The following OSMR variants were observed in gnomAD, a reference collection of about 807,000 sequenced individuals.
OSMR encodes oncostatin M receptor.
In OSMR, 81 loss-of-function variants were observed where a neutral mutation model predicts 99.9. The ratio of observed to expected loss-of-function variants is 0.81; its 90% CI spans 0.68 to 0.97. The LOEUF (loss-of-function observed/expected upper bound fraction) is 0.97. Among genes scored for constraint, OSMR ranks in the 50% least tolerant of loss-of-function variants. The pLI is 0.00. For missense variants in OSMR, 1,099 were observed against 1,153.4 expected, an observed-to-expected ratio of 0.95 and a Z score of 0.68; for synonymous variants, 406 against 410.4, an observed-to-expected ratio of 0.99 and a Z score of 0.13.
intron 9 of OSMR, among the ~76,000 whole-genome samples, chr5:38,915,715 G>A (rs947742257): frequency 1.2e-4 from 19 of 152,292 alleles, no homozygotes; most frequent in Non-Finnish European, 2.4e-4. Context: ...AAGAATTAAA[G>A]GGAAGTTTCA....
downstream of OSMR, chr5:38,945,201 A>C (rs1748057309): frequency 2.8e-6 from 2 of 706,620 alleles, no homozygotes; most frequent in Non-Finnish European, 4.6e-6. Flanking sequence ...ACACTTCCAA[A>C]ACTTTTTTCC....
At chr5:38,923,446 GTC>G (rs906723884) in intron 13 of OSMR, among the ~76,000 whole-genome samples, 192 bp downstream of exon 13, 5 of 152,212 alleles carry the variant, frequency 3.3e-5, no homozygotes, top group South Asian at 2.1e-4. Flanking sequence ...TCATTGCTAA[GTC>G]TCTCTCTTTC....
rs542916552 is a variant in OSMR at position 38,924,436 on chromosome 5, C to T, written c.1885C>T (p.Pro629Ser). Residue 629 changes from proline to serine, a missense_variant, in exon 14 of 18, where the codon CCT (proline) becomes TCT (serine). Pro to Ser is a moderately conservative substitution (Grantham distance 74). Transcript: ENST00000274276. ...YSQELAPSDN[P>S]HVLVDTLTSH... ...TCTTTTCCTAGCTCCTTCAGACAAC[C>T]CTCACGTGCTGGTGGATACATTGAC... 2.5e-6 allele frequency: 4 copies of T among 1,614,042 alleles called. No individual in the cohort carries two copies. Among genetic ancestry groups the T allele is most frequent in the African/African-American group, 2.7e-5 (2 of 74,996 alleles).
rs1407264609 is a variant in OSMR at position 38,846,101 on chromosome 5, G to C, written c.-300G>C. 1.3e-5 allele frequency: 2 copies of C among 152,190 alleles called. No individual in the cohort carries two copies. The highest frequency in any genetic ancestry group is 2.4e-5 in the African/African-American group (1 of 41,386). The allele number at this position is 152,190 out of a possible 1,614,324, so 9.4% of individuals were successfully genotyped here. ...CCACGCGCCGCCGAGGACTCGGCCC[G>C]GCTCGTGGAGCCCTTCGCCCGCGGC... On this transcript the variant is annotated 5_prime_UTR_variant, in exon 1 of 18. Coordinates refer to ENST00000274276, the MANE Select transcript of OSMR (RefSeq NM_003999.3).
In OSMR at chr5:38,898,950, C is replaced by CTTT. The variant is rs58159819; in HGVS notation, c.992-4910_992-4908dup. On this transcript the variant is annotated intron_variant, in intron 7 of 17. Transcript: ENST00000274276. The stretch of plus-strand genomic sequence containing the variant: ...TTTGTTGTTTCTATTTACATAATAT[C>CTTT]TTTTTTTTTTTTTTTTTTTTTTTTG... Among the ~76,000 whole-genome samples, 166 of 78,286 alleles carry CTTT rather than the reference C, an allele frequency of 2.1e-3. 7 individuals are homozygous for CTTT. The highest frequency in any genetic ancestry group is 2.5e-3 in the African/African-American group (40 of 15,978). The allele number at this position is 78,286 out of a possible 152,430, so 51.4% of individuals were successfully genotyped here.
At chr5:38,892,508 C>T (rs1744225478) in intron 7 of OSMR, among the ~76,000 whole-genome samples, 2 of 152,160 alleles carry the variant, frequency 1.3e-5, no homozygotes, top group Admixed American at 6.5e-5. Flanking sequence ...ACTGCAACCA[C>T]TTCCCCTGAA....
downstream of OSMR, chr5:38,940,231 T>A (rs1379283074): frequency 4.4e-6 from 1 of 229,120 alleles, no homozygotes; most frequent in African/African-American, 2.2e-5. Flanking sequence ...GGGATAGTGA[T>A]GGTGGGGGAG....
chr5:38,924,247 C>T (rs1746367022), intron 13 of OSMR, 175 bp from the exon 14 acceptor site: 1 of 919,118 alleles, frequency 1.1e-6, no homozygotes, highest in Admixed American at 6.2e-5. Flanking sequence ...TCCTTCACAG[C>T]TCTCATAAAC....
chr5:38,943,130 G>A, intron 1 of OSMR: 1 of 499,188 alleles, frequency 2.0e-6, no homozygotes, highest in African/African-American at 2.0e-5. Flanking sequence ...AAATATTCCT[G>A]TCACACACTT....
intron 10 of OSMR, among the ~76,000 whole-genome samples, chr5:38,917,992 T>C (rs1388205888): frequency 2.6e-5 from 4 of 152,194 alleles, no homozygotes; most frequent in Non-Finnish European, 4.4e-5. Flanking sequence ...AAAATTGTAA[T>C]ATAAAATAAA....
intron 7 of OSMR, 179 bp downstream of exon 7, chr5:38,886,369 T>C (rs574483105): frequency 7.0e-7 from 1 of 1,419,420 alleles, no homozygotes; most frequent in African/African-American, 1.4e-5. Flanking sequence ...CCCCTATTAT[T>C]TGTTTCTTTT....
chr5:38,883,578 G>C (rs1743468731), intron 4 of OSMR: 2 of 373,046 alleles, frequency 5.4e-6, no homozygotes, highest in Non-Finnish European at 7.4e-6. Context: ...TATCAGAGTG[G>C]TAATAGTAAT....
At chr5:38,942,432 C>CATGATATAAATTAG in intron 1 of OSMR, 2 of 927,832 alleles carry the variant, frequency 2.2e-6, no homozygotes, top group Non-Finnish European at 3.2e-6. Context: ...GATGATATAA[C>CATGATATAAATTAG]ATATTTATAT....
At chr5:38,864,542 T>TG (rs57600142) in intron 1 of OSMR, among the ~76,000 whole-genome samples, 2,726 of 151,404 alleles carry the variant, frequency 0.018, 87 homozygotes, top group African/African-American at 0.063. Context: ...TGCCTGAAGT[T>TG]TTTTTTTTTT....
At chr5:38,890,924 C>T (rs1188018742) in intron 7 of OSMR, among the ~76,000 whole-genome samples, 3 of 152,124 alleles carry the variant, frequency 2.0e-5, no homozygotes, top group South Asian at 2.1e-4. Context: ...GAATACTTGG[C>T]ATGCCCGAAT....
downstream of OSMR, chr5:38,940,517 A>G (rs563538416): frequency 5.3e-4 from 124 of 232,866 alleles, no homozygotes; most frequent in East Asian, 6.6e-3. Flanking sequence ...TACTGTTGAC[A>G]TTTAAATAAA....
intron 2 of OSMR, chr5:38,944,701 G>T: frequency 1.1e-6 from 1 of 917,644 alleles, no homozygotes; most frequent in Non-Finnish European, 1.6e-6. Context: ...ATCATTTTGG[G>T]AGCAAAACTC....
chr5:38,913,837 G>A lies in OSMR; in HGVS notation c.1286-3709G>A, dbSNP rs966842058. Among the ~76,000 whole-genome samples the A allele has an allele frequency of 2.6e-5, 4 of 152,180 alleles. No individual in the cohort carries two copies. The South Asian group carries it at 8.3e-4, about 31-fold the overall frequency. On this transcript the variant is annotated intron_variant, in intron 9 of 17. Coordinates refer to ENST00000274276, the MANE Select transcript of OSMR (RefSeq NM_003999.3). ...TAAAAGCCAATGTTCTTACAAGAAC[G>A]TTTTTGCACAGAAGGAGGTGTTACA...
rs769803562 is a variant in OSMR, at chr5:38,924,587, T to A, written c.2036T>A (p.Val679Asp). The A allele has an allele frequency of 3.1e-6, 5 of 1,607,816 alleles. No homozygotes were observed. The East Asian group carries it at 1.1e-4, about 36-fold the overall frequency. ...TGCCACCCACGATTTGAAAAGGCAGTTCTTTCAGGTGACATCTATTTTTAA... is the reference window on the plus strand; with the variant it reads ...TGCCACCCACGATTTGAAAAGGCAGATCTTTCAGGTGACATCTATTTTTAA... The part of the protein sequence containing the change: ...RQCHPRFEKA[V>D]LSDGSECCKY... Residue 679 changes from valine (V) to aspartate (D), a missense_variant, in exon 14 of 18, where the codon GTT becomes GAT. Coordinates refer to ENST00000274276, the MANE Select transcript of OSMR (RefSeq NM_003999.3).
Sources: allele counts gnomAD v4.1 joint callset (sites outside exome capture counted in the v4.1 genomes callset), GRCh38; gene constraint gnomAD v4.1.1; transcripts MANE v1.5; gene names NCBI Gene and HGNC (gene_info 2026-07-23, HGNC 2026-07-21).